The following CACNB2 variants were observed in gnomAD, a reference collection of about 807,000 sequenced individuals.
CACNB2 encodes calcium voltage-gated channel auxiliary subunit beta 2.
A neutral mutation model predicts 73.3 loss-of-function variants in CACNB2; 42 were observed. The observed-to-expected ratio is 0.57, with a 90% CI of 0.45 to 0.74. The LOEUF (loss-of-function observed/expected upper bound fraction) is 0.74. Among genes scored for constraint, CACNB2 ranks in the 30% least tolerant of loss-of-function variants. The pLI, the probability that CACNB2 is intolerant of heterozygous loss-of-function variation, is 0.00. For missense variants in CACNB2, 940 were observed against 853.0 expected (o/e 1.10, Z -1.27); for synonymous variants, 348 against 310.3 (o/e 1.12, Z -1.28).
At chr10:18,308,053 G>C (rs2039811928) in intron 2 of CACNB2, among the ~76,000 whole-genome samples, 1 of 135,920 alleles carries the variant, frequency 7.4e-6, no homozygotes, top group African/African-American at 2.9e-5. Context: ...GAGTACAGTG[G>C]TGTGATCTTG....
intron 3 of CACNB2, among the ~76,000 whole-genome samples, chr10:18,406,344 G>A (rs36095580): frequency 0.13 from 20,276 of 152,118 alleles, 1,783 homozygotes; most frequent in African/African-American, 0.25. Context: ...GCAGGGGTTC[G>A]TATTCTGTTA....
intron 2 of CACNB2, among the ~76,000 whole-genome samples, chr10:18,306,516 A>G (rs767970075): frequency 6.6e-6 from 1 of 152,136 alleles, no homozygotes; most frequent in African/African-American, 2.4e-5. Flanking sequence ...AAAATGAAGA[A>G]GGCAATGTGA....
chr10:18,537,159 T>TGTATTCTTAGTAGA lies in CACNB2; in HGVS notation c.1302+965_1302+978dup, dbSNP rs2133314749. Reference sequence around the variant, plus strand: ...AACGCCACCATGCCCTGCTAATTTTTGTATTCTTAGTAGAGACGGGGCTTT... The same window carrying TGTATTCTTAGTAGA: ...AACGCCACCATGCCCTGCTAATTTTTGTATTCTTAGTAGAGTATTCTTAGTAGAGACGGGGCTTT... On this transcript the variant is annotated intron_variant, in intron 12 of 13. Transcript: ENST00000324631. Among the ~76,000 whole-genome samples the TGTATTCTTAGTAGA allele has an allele frequency of 2.0e-5, 3 of 152,142 alleles. No individual in the cohort carries two copies. The South Asian group carries it at 6.2e-4, about 32-fold the overall frequency.
chr10:18,313,417 C>G (rs1028735795), intron 2 of CACNB2, among the ~76,000 whole-genome samples: 9 of 151,356 alleles, frequency 5.9e-5, no homozygotes, highest in African/African-American at 2.2e-4. Flanking sequence ...CCAAAAATGT[C>G]TCCAGAACCT....
intron 2 of CACNB2, among the ~76,000 whole-genome samples, chr10:18,258,921 G>GAGCC (rs2037403476): frequency 6.6e-6 from 1 of 150,932 alleles, no homozygotes. Flanking sequence ...TGTACTTCAA[G>GAGCC]AGCCAATTTA....
intron 2 of CACNB2, among the ~76,000 whole-genome samples, chr10:18,384,287 G>T (rs1262412083): frequency 1.3e-5 from 2 of 152,094 alleles, no homozygotes; most frequent in African/African-American, 2.4e-5. Context: ...CTCTTTTTCT[G>T]TAATTGAAAA....
At chr10:18,347,034 T>C (rs986766340) in intron 2 of CACNB2, among the ~76,000 whole-genome samples, 2 of 152,210 alleles carry the variant, frequency 1.3e-5, no homozygotes, top group Non-Finnish European at 2.9e-5. Context: ...TTGATAAAAG[T>C]GCACCTTTTA....
intron 2 of CACNB2, among the ~76,000 whole-genome samples, chr10:18,173,809 T>C (rs997002426): frequency 1.2e-4 from 19 of 152,370 alleles, no homozygotes; most frequent in African/African-American, 4.1e-4. Flanking sequence ...GTGTCTGTTA[T>C]ATTTTTGCAG....
At chr10:18,284,330 G>T (rs1033456758) in intron 2 of CACNB2, among the ~76,000 whole-genome samples, 8 of 152,162 alleles carry the variant, frequency 5.3e-5, no homozygotes, top group African/African-American at 1.7e-4. Flanking sequence ...CTCCTACCAG[G>T]TCCCTCCCAC....
chr10:18,504,712 T>C (rs534734440), intron 5 of CACNB2, among the ~76,000 whole-genome samples: 1 of 152,260 alleles, frequency 6.6e-6, no homozygotes, highest in African/African-American at 2.4e-5. Flanking sequence ...TGGCGCAGTC[T>C]CGACTCACTG....
chr10:18,300,055 C>A (rs1415450618), intron 2 of CACNB2, among the ~76,000 whole-genome samples: 1 of 150,940 alleles, frequency 6.6e-6, no homozygotes, highest in Non-Finnish European at 1.5e-5. Flanking sequence ...GAGTTTCACT[C>A]TTCTTCCCCA....
chr10:18,535,987 T>G, intron 11 of CACNB2, 114 bp from the exon 12 acceptor site: 1 of 686,702 alleles, frequency 1.5e-6, no homozygotes, highest in Non-Finnish European at 2.7e-6. Flanking sequence ...CTCCATCTAT[T>G]ATAAGCCCCT....
Position 18,424,608 on chromosome 10 carries a change from G to C in CACNB2, c.333+22565G>C. On this transcript the variant is annotated intron_variant, in intron 3 of 13. Transcript: ENST00000324631. ...CTCTATCAGAGTTTATCATTATGCT[G>C]AATGTGGTGTTTCCCACTCCCTTCC... is the stretch of plus-strand genomic sequence containing the variant. 1.3e-5 allele frequency among the ~76,000 whole-genome samples: 2 copies of C among 152,136 alleles called. 1 individual carries two copies. The highest frequency in any genetic ancestry group is 3.8e-4 in the East Asian group (2 of 5,198).
chr10:18,467,819 C>T (rs1026944364), intron 3 of CACNB2, among the ~76,000 whole-genome samples: 1 of 152,108 alleles, frequency 6.6e-6, no homozygotes, highest in Non-Finnish European at 1.5e-5. Context: ...ATTTTTTGTT[C>T]TTAACTATGC....
At chr10:18,320,758 G>A (rs1315108630) in intron 2 of CACNB2, among the ~76,000 whole-genome samples, 1 of 152,092 alleles carries the variant, frequency 6.6e-6, no homozygotes. Flanking sequence ...GTAACTATTG[G>A]CTATTATTTA....
At chr10:18,209,260 C>G (rs1457272846) in intron 2 of CACNB2, among the ~76,000 whole-genome samples, 1 of 152,274 alleles carries the variant, frequency 6.6e-6, no homozygotes, top group South Asian at 2.1e-4. Flanking sequence ...ACGGCAACAT[C>G]ACCTGCATGG....
chr10:18,273,727 G>T (rs1453441552), intron 2 of CACNB2, among the ~76,000 whole-genome samples: 1 of 152,114 alleles, frequency 6.6e-6, no homozygotes, highest in Non-Finnish European at 1.5e-5. Flanking sequence ...ATGGCAAAAA[G>T]ATTTTACTCA....
chr10:18,449,650 C>G (rs1247974150), intron 3 of CACNB2, among the ~76,000 whole-genome samples: 1 of 152,232 alleles, frequency 6.6e-6, no homozygotes, highest in African/African-American at 2.4e-5. Flanking sequence ...TTGCTAAGTT[C>G]ACAACTACTG....
intron 2 of CACNB2, among the ~76,000 whole-genome samples, chr10:18,397,318 A>C (rs963086494): frequency 3.3e-5 from 5 of 152,118 alleles, no homozygotes; most frequent in African/African-American, 1.2e-4. Flanking sequence ...TACAAAAATT[A>C]GCCGGGCCTG....
Sources: allele counts gnomAD v4.1 joint callset (sites outside exome capture counted in the v4.1 genomes callset), GRCh38; gene constraint gnomAD v4.1.1; transcripts MANE v1.5; gene names NCBI Gene and HGNC (gene_info 2026-07-23, HGNC 2026-07-21).